Variants in ZBTB7A observed in about 807,000 individuals in gnomAD.
ZBTB7A encodes the protein zinc finger and BTB domain containing 7A.
ZBTB7A carries 7 observed loss-of-function variants against 26.7 expected under a neutral mutation model. That is an observed-to-expected ratio of 0.26 (90% confidence interval 0.15 to 0.49). The LOEUF (loss-of-function observed/expected upper bound fraction) is 0.49, where lower values mean the gene tolerates loss of function less well. Ranked by LOEUF, ZBTB7A falls within the 20% of genes least tolerant of loss-of-function variation. The pLI is 0.98. For missense variants in ZBTB7A, 617 were observed against 919.5 expected, an observed-to-expected ratio of 0.67 and a Z score of 4.25; for synonymous variants, 452 against 441.0, an observed-to-expected ratio of 1.02 and a Z score of -0.31.
Position 4,052,612 on chromosome 19 carries a change from C to A in ZBTB7A, c.1262+1359G>T, listed in dbSNP as rs572666572. Among the ~76,000 whole-genome samples, 59 of 152,008 alleles carry A rather than the reference C, an allele frequency of 3.9e-4. No individual in the cohort carries two copies. In the South Asian group the frequency reaches 0.012, roughly 31 times the overall value. ...CCTCGGTGGGCGTGGCTGGGGGAAC[C>A]CCAGGGCGGGCGGGGGGCAGGGGGT... On this transcript the variant is annotated intron_variant, in intron 2 of 2. Coordinates refer to ENST00000322357, the MANE Select transcript of ZBTB7A (RefSeq NM_015898.4). The surrounding 1 kb of genome is among the most constrained non-coding windows in gnomAD (Gnocchi z 4.9).
intron 1 of ZBTB7A, among the ~76,000 whole-genome samples, chr19:4,059,195 C>T (rs1362103416): frequency 8.5e-5 from 13 of 152,236 alleles, no homozygotes; most frequent in Admixed American, 3.3e-4. Flanking sequence ...AGGCCACCAA[C>T]GCCCCAAGAT....
intron 1 of ZBTB7A, 198 bp from the exon 2 acceptor site, chr19:4,055,445 A>G (rs1044414594): frequency 3.1e-5 from 31 of 985,202 alleles, no homozygotes; most frequent in Non-Finnish European, 3.7e-5. Context: ...AAAGCGATAC[A>G]TGCCCTGCCT....
At chr19:4,064,419 GC>G (rs1314164566) in intron 1 of ZBTB7A, among the ~76,000 whole-genome samples, 1 of 152,192 alleles carries the variant, frequency 6.6e-6, no homozygotes, top group Non-Finnish European at 1.5e-5. Context: ...GGGCCCCATG[GC>G]GGGTGGCCCT....
rs779969448 is a variant in ZBTB7A, at chr19:4,054,003, G to A, written c.1230C>T (p.Tyr410=). The A allele has an allele frequency of 3.7e-6, 6 of 1,609,890 alleles. No homozygotes were observed. Among genetic ancestry groups the A allele is most frequent in the South Asian group, 1.1e-5 (1 of 90,960 alleles). The stretch of plus-strand genomic sequence containing the variant: ...AGCGGACCTTGCAGATGTTGCACTC[G>A]TAGGGCTTCTCGCCCGTGTGGGTGC... ...HIRTHTGEKP[Y]ECNICKVRFT... The change falls in exon 2 of 3, where the codon TAC becomes TAT. Residue 410 remains tyrosine (Y), a synonymous_variant. Coordinates refer to ENST00000322357, the MANE Select transcript of ZBTB7A (RefSeq NM_015898.4).
intron 1 of ZBTB7A, chr19:4,055,568 A>G (rs1760875080): frequency 4.0e-6 from 3 of 752,226 alleles, no homozygotes; most frequent in Non-Finnish European, 4.9e-6. Context: ...CACGCCTGTA[A>G]TCCCAGCACT....
intron 1 of ZBTB7A, among the ~76,000 whole-genome samples, chr19:4,058,208 T>C (rs994845379): frequency 6.6e-6 from 1 of 152,200 alleles, no homozygotes; most frequent in East Asian, 1.9e-4. Context: ...GAGACCGGGC[T>C]ACAGCCCAGG....
intron 2 of ZBTB7A, among the ~76,000 whole-genome samples, chr19:4,053,430 C>T (rs12978130): frequency 0.6 from 91,632 of 151,764 alleles, 31,389 homozygotes; most frequent in East Asian, 0.95. Context: ...TGTATGTGTG[C>T]GCATGTACGT....
chr19:4,048,288 AC>A lies in ZBTB7A; in HGVS notation c.1263-45del, dbSNP rs747144020. ...GCGGGCACGGTCAGTGGGGCCGGGG[AC>A]CCCCGATCCCCGCCCAGGGACCCTC... On this transcript the variant is annotated intron_variant, in intron 2 of 2. Coordinates refer to ENST00000322357, the MANE Select transcript of ZBTB7A (RefSeq NM_015898.4). The surrounding 1 kb of genome is among the most constrained non-coding windows in gnomAD (Gnocchi z 6.7). 5 of 1,516,416 alleles carry A rather than the reference AC, an allele frequency of 3.3e-6. No individual in the cohort carries two copies. The Admixed American group carries it at 6.8e-5, about 20-fold the overall frequency. The allele number at this position is 1,516,416 out of a possible 1,614,324, so 93.9% of individuals were successfully genotyped here. A position where few individuals can be genotyped will look rare whatever the true frequency, so the allele number is the denominator to read the frequency against.
rs1568226480 is a variant in ZBTB7A at position 4,043,714 on chromosome 19, GGCCCGGCCCC to G, written c.*4028_*4037del. On this transcript the variant is annotated 3_prime_UTR_variant, in exon 3 of 3. Coordinates refer to ENST00000322357, the MANE Select transcript of ZBTB7A (RefSeq NM_015898.4). ...TCTCCCTGGCCCCCTCCACCCCCTG[GGCCCGGCCCC>G]CCCCCCCCCCCCCCGTAAATCTATG... Among the ~76,000 whole-genome samples, 193 of 49,054 alleles carry G rather than the reference GGCCCGGCCCC, an allele frequency of 3.9e-3. 11 individuals are homozygous for G. The highest frequency in any genetic ancestry group is 0.014 in the African/African-American group (185 of 13,408). 32.2% of individuals were successfully genotyped at this position (49,054 alleles called of 152,430 possible).
chr19:4,053,383 A>G (rs1006987942), intron 2 of ZBTB7A, among the ~76,000 whole-genome samples: 4 of 151,482 alleles, frequency 2.6e-5, no homozygotes, highest in Non-Finnish European at 5.9e-5. Context: ...GTGTGCATAT[A>G]TGTGTGTCTG....
intron 2 of ZBTB7A, among the ~76,000 whole-genome samples, chr19:4,050,803 G>C (rs568773927): frequency 6.6e-6 from 1 of 151,996 alleles, no homozygotes; most frequent in East Asian, 1.9e-4. Context: ...GTAAAAATAT[G>C]TAAGTGGCTT....
chr19:4,046,432 C>CTTTTTTTTTTTTTTTTTTTTTTT lies in ZBTB7A; in HGVS notation c.*1319_*1320insAAAAAAAAAAAAAAAAAAAAAAA, dbSNP rs10535792. 1 of 118,110 alleles carries CTTTTTTTTTTTTTTTTTTTTTTT rather than the reference C, an allele frequency of 8.5e-6. No homozygotes were observed. Among genetic ancestry groups the CTTTTTTTTTTTTTTTTTTTTTTT allele is most frequent in the Non-Finnish European group, 1.7e-5 (1 of 57,514 alleles). 7.3% of individuals were successfully genotyped at this position (118,110 alleles called of 1,614,324 possible). ...TCTCTCTCGCTCTCTCTCTCGCTCG[C>CTTTTTTTTTTTTTTTTTTTTTTT]TTTTTTTTTTTTTTTTTGTCTTTTC... On this transcript the variant is annotated 3_prime_UTR_variant, in exon 3 of 3. Coordinates refer to ENST00000322357, the MANE Select transcript of ZBTB7A (RefSeq NM_015898.4).
chr19:4,045,890 A>T lies in ZBTB7A; in HGVS notation c.*1862T>A, dbSNP rs2040410336. The T allele has an allele frequency of 5.0e-6, 2 of 397,328 alleles. No homozygotes were observed. Among genetic ancestry groups the T allele is most frequent in the South Asian group, 1.3e-4 (1 of 7,814 alleles). 24.6% of individuals were successfully genotyped at this position (397,328 alleles called of 1,614,324 possible). A position where few individuals can be genotyped will look rare whatever the true frequency, so the allele number is the denominator to read the frequency against. On this transcript the variant is annotated 3_prime_UTR_variant, in exon 3 of 3. Coordinates refer to ENST00000322357, the MANE Select transcript of ZBTB7A (RefSeq NM_015898.4). The surrounding 1 kb of genome is among the most constrained non-coding windows in gnomAD (Gnocchi z 4.1). ...ACAGTCAGTGCCTTTGAGTAAAAAG[A>T]GGGGTGCCTGGGGTGGGGAGAGGGG... is the stretch of plus-strand genomic sequence containing the variant.
In ZBTB7A at chr19:4,054,054, G is replaced by A. The variant is rs1599254856; in HGVS notation, c.1179C>T (p.Gly393=). 3 of 1,612,326 alleles carry A rather than the reference G, an allele frequency of 1.9e-6. No homozygotes were observed. The highest frequency in any genetic ancestry group is 1.1e-5 in the South Asian group (1 of 91,082). ...GGATGTGTCGCGGCAGCTTGCCGGC[G>A]CCCTGGATGACCTTCTCGCAGATGG... ...KCPICEKVIQ[G]AGKLPRHIRT... Residue 393 remains glycine, a synonymous_variant, in exon 2 of 3, where the codon GGC becomes GGT. Transcript: ENST00000322357.
rs1485198466 is a variant in ZBTB7A, at chr19:4,052,751, C to A, written c.1262+1220G>T. 6.6e-6 allele frequency among the ~76,000 whole-genome samples: 1 copy of A among 152,196 alleles called. No homozygotes were observed. The highest frequency in any genetic ancestry group is 6.5e-5 in the Admixed American group (1 of 15,288). ...CCAGCCACCTCTGGACTCCTGAGAC[C>A]GAATTGCAAACTGCCCGGGCCTGGC... On this transcript the variant is annotated intron_variant, in intron 2 of 2. Coordinates refer to ENST00000322357, the MANE Select transcript of ZBTB7A (RefSeq NM_015898.4). The surrounding 1 kb of genome is among the most constrained non-coding windows in gnomAD (Gnocchi z 4.9).
In ZBTB7A at chr19:4,048,676, C is replaced by G. The variant is rs563282644; in HGVS notation, c.1263-432G>C. Among the ~76,000 whole-genome samples, 1 of 141,768 alleles carries G rather than the reference C, an allele frequency of 7.1e-6. No individual in the cohort carries two copies. The highest frequency in any genetic ancestry group is 2.2e-4 in the South Asian group (1 of 4,526). The allele number at this position is 141,768 out of a possible 152,430, so 93.0% of individuals were successfully genotyped here. On this transcript the variant is annotated intron_variant, in intron 2 of 2. Coordinates refer to ENST00000322357, the MANE Select transcript of ZBTB7A (RefSeq NM_015898.4). This position sits in a 1 kb window ranked among gnomAD's most constrained non-coding sequence, Gnocchi z 6.7. Reference sequence around the variant, plus strand: ...TGAAACCCTGTCTCTACTAAAAAAACAAAAAACAAAAAAACAAAAAACAAA... The same window carrying G: ...TGAAACCCTGTCTCTACTAAAAAAAGAAAAAACAAAAAAACAAAAAACAAA...
chr19:4,048,150 G>C lies in ZBTB7A; in HGVS notation c.1357C>G (p.Leu453Val). Residue 453 changes from leucine (L) to valine (V), a missense_variant, in exon 3 of 3, where the codon CTG (leucine) becomes GTG (valine). Physicochemically the swap from Leu to Val is conservative, Grantham distance 32. This residue lies in a region of ZBTB7A where 41 missense variants were observed against 167.6 expected (regional missense o/e 0.24). Transcript: ENST00000322357. The surrounding 1 kb of genome is among the most constrained non-coding windows in gnomAD (Gnocchi z 6.7). The part of the protein sequence containing the change: ...CGAAFAHNYD[L>V]KNHMRVHTGL... ...GTGTGCACGCGCATGTGGTTCTTCA[G>C]GTCGTAGTTGTGGGCAAAGGCGGCG... 1 of 1,609,706 alleles carries C rather than the reference G, an allele frequency of 6.2e-7. No individual in the cohort carries two copies. The highest frequency in any genetic ancestry group is 8.5e-7 in the Non-Finnish European group (1 of 1,179,042).
Position 4,055,261 on chromosome 19 carries a change from G to A in ZBTB7A, c.-15-14C>T. On this transcript the variant is annotated splice_polypyrimidine_tract_variant and intron_variant, in intron 1 of 2. Transcript: ENST00000322357. The stretch of plus-strand genomic sequence containing the variant: ...CCGCGCCGAGACCTGCAGCAGTGGG[G>A]AAGGAGAGGGCGCTCGTGAGTGGGG... 6.9e-7 allele frequency: 1 copy of A among 1,457,192 alleles called. No homozygotes were observed. The highest frequency in any genetic ancestry group is 9.0e-7 in the Non-Finnish European group (1 of 1,106,312). The allele number at this position is 1,457,192 out of a possible 1,614,324, so 90.3% of individuals were successfully genotyped here.
intron 2 of ZBTB7A, among the ~76,000 whole-genome samples, chr19:4,050,417 G>C (rs150437206): frequency 6.6e-6 from 1 of 152,294 alleles, no homozygotes; most frequent in East Asian, 1.9e-4. Flanking sequence ...TGATTGGATT[G>C]TGAGCCCCGA....
Sources: allele counts gnomAD v4.1 joint callset (sites outside exome capture counted in the v4.1 genomes callset), GRCh38; gene constraint gnomAD v4.1.1; regional missense constraint gnomAD v4.1.1; non-coding constraint Gnocchi (gnomAD v3.1); transcripts MANE v1.5; gene names NCBI Gene and HGNC (gene_info 2026-07-23, HGNC 2026-07-21).